The following LOC128125817 variants were observed in gnomAD, a reference collection of about 807,000 sequenced individuals.
At chr1:41,618,215 C>A in the LOC128125817 span, among the ~76,000 whole-genome samples, 16 of 152,216 alleles carry the variant, frequency 1.1e-4, no homozygotes, top group Non-Finnish European at 1.5e-5. Flanking sequence ...GAGCCCGGAG[C>A]CACCAGGCTT....
the LOC128125817 span, among the ~76,000 whole-genome samples, chr1:41,591,042 AC>A: frequency 6.6e-6 from 1 of 152,206 alleles, no homozygotes; most frequent in Non-Finnish European, 1.5e-5. Flanking sequence ...TTGGCATGGC[AC>A]CTGACATATA....
chr1:41,615,306 G>A, the LOC128125817 span, among the ~76,000 whole-genome samples: 1 of 152,166 alleles, frequency 6.6e-6, no homozygotes, highest in Non-Finnish European at 1.5e-5. Context: ...TCTACTCATG[G>A]TTTATGTCCT....
chr1:41,607,727 T>TA, the LOC128125817 span, among the ~76,000 whole-genome samples: 11 of 152,252 alleles, frequency 7.2e-5, no homozygotes, highest in Non-Finnish European at 1.6e-4. Context: ...TGTATTAGGA[T>TA]ACAGGTTCTA....
At chr1:41,617,863 G>C in the LOC128125817 span, among the ~76,000 whole-genome samples, 1 of 140,938 alleles carries the variant, frequency 7.1e-6, no homozygotes, top group African/African-American at 2.7e-5. Context: ...TTTGGAACTG[G>C]ACAGGCTTCT....
At chr1:41,620,336 CAT>C in the LOC128125817 span, among the ~76,000 whole-genome samples, 3 of 152,218 alleles carry the variant, frequency 2.0e-5, no homozygotes, top group African/African-American at 4.8e-5. Context: ...TTACCCATGA[CAT>C]AGTTTCTTTT....
At chr1:41,609,348 C>G in the LOC128125817 span, among the ~76,000 whole-genome samples, 1 of 152,252 alleles carries the variant, frequency 6.6e-6, no homozygotes, top group Non-Finnish European at 1.5e-5. Context: ...AGGGTAGGAA[C>G]AGCCAGCCCT....
chr1:41,616,016 T>A, the LOC128125817 span, among the ~76,000 whole-genome samples: 2 of 151,980 alleles, frequency 1.3e-5, no homozygotes, highest in East Asian at 3.9e-4. Context: ...TCTCAAGTGG[T>A]TTAACCAAAG....
At chr1:41,620,221 C>T in the LOC128125817 span, among the ~76,000 whole-genome samples, 10,134 of 152,242 alleles carry the variant, frequency 0.067, 899 homozygotes, top group East Asian at 0.41. Context: ...GTCCAGTTTC[C>T]ACTCGCTTTC....
chr1:41,609,428 T>C, the LOC128125817 span, among the ~76,000 whole-genome samples: 1 of 152,350 alleles, frequency 6.6e-6, no homozygotes, highest in Middle Eastern at 3.4e-3. Flanking sequence ...CGTGCAAGCC[T>C]CCGTGTAGGC....
chr1:41,592,161 T>A, the LOC128125817 span, among the ~76,000 whole-genome samples: 1 of 151,870 alleles, frequency 6.6e-6, no homozygotes, highest in Non-Finnish European at 1.5e-5. Flanking sequence ...TCTCTGGGGG[T>A]TGGTCTGTGG....
chr1:41,597,346 C>T, the LOC128125817 span, among the ~76,000 whole-genome samples: 6 of 152,294 alleles, frequency 3.9e-5, no homozygotes, highest in South Asian at 1.0e-3. Context: ...CTCTACTCTG[C>T]CAGACTTGCA....
chr1:41,614,486 G>A, the LOC128125817 span, among the ~76,000 whole-genome samples: 1 of 152,184 alleles, frequency 6.6e-6, no homozygotes, highest in South Asian at 2.1e-4. Flanking sequence ...TCAGTTCCTC[G>A]TAGGAAGTCC....
chr1:41,620,113 A>G, the LOC128125817 span, among the ~76,000 whole-genome samples: 1 of 152,162 alleles, frequency 6.6e-6, no homozygotes, highest in Non-Finnish European at 1.5e-5. Context: ...AAGAGGACAA[A>G]GGCTTGGGAG....
At chr1:41,622,649 G>T in the LOC128125817 span, among the ~76,000 whole-genome samples, 266 of 152,326 alleles carry the variant, frequency 1.7e-3, 1 homozygote, top group African/African-American at 6.1e-3. Flanking sequence ...CAGAGCAAAA[G>T]AATGCTCATT....
chr1:41,605,533 T>G, the LOC128125817 span, among the ~76,000 whole-genome samples: 1 of 151,852 alleles, frequency 6.6e-6, no homozygotes, highest in Admixed American at 6.6e-5. Flanking sequence ...AATACAAAGC[T>G]TATAGGGAAA....
chr1:41,591,471 A>G, the LOC128125817 span, among the ~76,000 whole-genome samples: 16 of 152,058 alleles, frequency 1.1e-4, no homozygotes, highest in African/African-American at 3.9e-4. Flanking sequence ...GGTCTGATGG[A>G]TCTGACTTTA....
the LOC128125817 span, among the ~76,000 whole-genome samples, chr1:41,621,304 T>A: frequency 1.3e-5 from 2 of 152,256 alleles, no homozygotes; most frequent in African/African-American, 4.8e-5. Flanking sequence ...AATTCTGTTA[T>A]GGGAGGGTAT....
the LOC128125817 span, among the ~76,000 whole-genome samples, chr1:41,609,944 G>A: frequency 1.3e-5 from 2 of 152,362 alleles, no homozygotes; most frequent in East Asian, 3.9e-4. Context: ...TCTGAGTAAA[G>A]CAGACCGCTT....
the LOC128125817 span, among the ~76,000 whole-genome samples, chr1:41,600,863 G>A: frequency 2.0e-5 from 3 of 152,000 alleles, no homozygotes; most frequent in Non-Finnish European, 4.4e-5. Flanking sequence ...TACAGTCTTA[G>A]GTTTTACATC....
Sources: allele counts gnomAD v4.1 joint callset (sites outside exome capture counted in the v4.1 genomes callset), GRCh38; gene constraint gnomAD v4.1.1; transcripts MANE v1.5.